Variants in KIF6 observed in about 807,000 individuals in gnomAD.
The protein encoded by KIF6 is kinesin family member 6.
A neutral mutation model predicts 112.7 loss-of-function variants in KIF6; 106 were observed. The observed-to-expected ratio is 0.94, with a 90% confidence interval of 0.80 to 1.11. The LOEUF is 1.11. Ranked by LOEUF, KIF6 falls within the 50% of genes least tolerant of loss-of-function variation. KIF6 has a pLI of 0.00. For synonymous variants in KIF6, 339 were observed against 339.9 expected (o/e 1.00, Z 0.03); for missense variants, 929 against 964.0 (o/e 0.96, Z 0.48).
At chr6:39,703,806 A>T (rs1789023513) in intron 3 of KIF6, among the ~76,000 whole-genome samples, 1 of 152,228 alleles carries the variant, frequency 6.6e-6, no homozygotes, top group Admixed American at 6.5e-5. Context: ...TGCTTTTGCC[A>T]GTCAATTATA....
At chr6:39,654,795 G>A (rs76735042) in intron 3 of KIF6, among the ~76,000 whole-genome samples, 2,873 of 152,056 alleles carry the variant, frequency 0.019, 87 homozygotes, top group African/African-American at 0.064. Flanking sequence ...GTATTCCTGC[G>A]CAATTTGTTC....
chr6:39,431,876 G>A (rs1260242063), intron 13 of KIF6, among the ~76,000 whole-genome samples: 1 of 152,050 alleles, frequency 6.6e-6, no homozygotes, highest in Non-Finnish European at 1.5e-5. Context: ...CTCCCGGAGT[G>A]AGGGTCAGCG....
chr6:39,507,275 C>T (rs1212758838), intron 13 of KIF6, among the ~76,000 whole-genome samples: 1 of 152,044 alleles, frequency 6.6e-6, no homozygotes, highest in Admixed American at 6.6e-5. Flanking sequence ...TCAGATGGTG[C>T]CCAGAGAACT....
chr6:39,507,535 A>G (rs1776489482), intron 13 of KIF6, among the ~76,000 whole-genome samples: 1 of 151,942 alleles, frequency 6.6e-6, no homozygotes, highest in Admixed American at 6.6e-5. Context: ...AACCTGGGGG[A>G]GGGCGGTATA....
intron 13 of KIF6, among the ~76,000 whole-genome samples, chr6:39,522,627 C>T (rs1446656249): frequency 1.3e-5 from 2 of 152,194 alleles, no homozygotes; most frequent in African/African-American, 2.4e-5. Context: ...CACTTTCCAC[C>T]CAGATCCAAC....
chr6:39,373,879 C>T (rs1452897636), intron 16 of KIF6, among the ~76,000 whole-genome samples: 2 of 152,010 alleles, frequency 1.3e-5, no homozygotes, highest in African/African-American at 4.8e-5. Flanking sequence ...GAAAAAAAAT[C>T]CTAACGTTCA....
intron 9 of KIF6, among the ~76,000 whole-genome samples, chr6:39,582,414 G>T (rs904893569): frequency 1.3e-5 from 2 of 151,782 alleles, no homozygotes; most frequent in East Asian, 3.9e-4. Context: ...TGTTTGGTTT[G>T]GTTTGGCTTT....
At chr6:39,673,905 A>G (rs2084787001) in intron 3 of KIF6, among the ~76,000 whole-genome samples, 1 of 152,178 alleles carries the variant, frequency 6.6e-6, no homozygotes, top group South Asian at 2.1e-4. Context: ...ATAATAAAAA[A>G]TGAGATGAAG....
At chr6:39,461,971 T>C (rs995433188) in intron 13 of KIF6, among the ~76,000 whole-genome samples, 1 of 152,172 alleles carries the variant, frequency 6.6e-6, no homozygotes, top group Admixed American at 6.5e-5. Flanking sequence ...ATTTTATGCT[T>C]AAATTAATTA....
chr6:39,495,345 G>A (rs540080332), intron 13 of KIF6, among the ~76,000 whole-genome samples: 1 of 152,322 alleles, frequency 6.6e-6, no homozygotes, highest in South Asian at 2.1e-4. Context: ...GTCCCTGGAA[G>A]AGGAAGCACT....
At chr6:39,445,590 A>G (rs1195376127) in intron 13 of KIF6, among the ~76,000 whole-genome samples, 1 of 152,194 alleles carries the variant, frequency 6.6e-6, no homozygotes, top group Non-Finnish European at 1.5e-5. Context: ...TTATGTTAAA[A>G]GGCAGGTGAA....
At chr6:39,601,794 C>T (rs1195131721) in intron 6 of KIF6, among the ~76,000 whole-genome samples, 1 of 151,788 alleles carries the variant, frequency 6.6e-6, no homozygotes, top group Non-Finnish European at 1.5e-5. Context: ...GTCAACATTA[C>T]AATCTATTGG....
intron 13 of KIF6, among the ~76,000 whole-genome samples, chr6:39,492,874 A>G (rs1366643548): frequency 1.3e-5 from 2 of 152,218 alleles, no homozygotes; most frequent in African/African-American, 2.4e-5. Context: ...ATAGAAAAAA[A>G]TATAGTCAAA....
chr6:39,626,037 G>C (rs2446652), intron 5 of KIF6, among the ~76,000 whole-genome samples: 81,230 of 151,882 alleles, frequency 0.53, 24,949 homozygotes, highest in African/African-American at 0.85. Flanking sequence ...ACAAAAAGCA[G>C]CGGGCACATG....
At chr6:39,346,075 TCTCTCTCTCTCCCCC>T (rs1562112726) in intron 20 of KIF6, among the ~76,000 whole-genome samples, 34 of 21,126 alleles carry the variant, frequency 1.6e-3, no homozygotes, top group South Asian at 2.4e-3. Context: ...TCTCTCTCTC[TCTCTCTCTCTCCCCC>T]CCCTCTCCCT....
At chr6:39,720,141 C>T (rs1356582216) in intron 2 of KIF6, among the ~76,000 whole-genome samples, 2 of 152,078 alleles carry the variant, frequency 1.3e-5, no homozygotes, top group East Asian at 1.9e-4. Flanking sequence ...AGATATTTTA[C>T]ATTCTTTTTC....
chr6:39,545,616 C>T lies in KIF6; in HGVS notation c.1254G>A (p.Met418Ile), dbSNP rs768482405. ...SDSRLEVGAD[M>I]RKVHHCFHHL... ...GATGAAAACAGTGATGAACTTTACG[C>T]ATATCCGCGCCAACCTCTAATCTAC... Residue 418 changes from methionine (M) to isoleucine (I), a missense_variant, in exon 11 of 23, where the codon ATG becomes ATA. Physicochemically the swap from Met to Ile is conservative, Grantham distance 10. This residue lies in a region of KIF6 where 688 missense variants were observed against 662.7 expected (regional missense o/e 1.04). Coordinates refer to ENST00000287152, the MANE Select transcript of KIF6 (RefSeq NM_145027.6). The T allele has an allele frequency of 3.1e-6, 5 of 1,613,188 alleles. No individual in the cohort carries two copies. Among genetic ancestry groups the T allele is most frequent in the Admixed American group, 1.7e-5 (1 of 59,980 alleles).
chr6:39,457,618 C>T (rs1010597387), intron 13 of KIF6, among the ~76,000 whole-genome samples: 75 of 151,946 alleles, frequency 4.9e-4, no homozygotes, highest in South Asian at 1.0e-3. Flanking sequence ...ATTGATAGAA[C>T]GCTAGCAAGA....
chr6:39,330,787 C>T lies in KIF6; in HGVS notation c.*5745G>A, dbSNP rs1420417484. On this transcript the variant is annotated 3_prime_UTR_variant, in exon 23 of 23. Coordinates refer to ENST00000287152, the MANE Select transcript of KIF6 (RefSeq NM_145027.6). ...TGGGAGATGCATTCAGGGCTACACT[C>T]AGAGGCCACTTTTCGCAAGGTGAGG... 6.6e-6 allele frequency: 1 copy of T among 152,246 alleles called. No individual in the cohort carries two copies. The highest frequency in any genetic ancestry group is 2.4e-5 in the African/African-American group (1 of 41,456). The allele number at this position is 152,246 out of a possible 1,614,324, so 9.4% of individuals were successfully genotyped here.
Sources: allele counts gnomAD v4.1 joint callset (sites outside exome capture counted in the v4.1 genomes callset), GRCh38; gene constraint gnomAD v4.1.1; regional missense constraint gnomAD v4.1.1; transcripts MANE v1.5; gene names NCBI Gene and HGNC (gene_info 2026-07-23, HGNC 2026-07-21).